The following SMYD3 variants were observed in gnomAD, a reference collection of about 807,000 sequenced individuals.
SMYD3 encodes the protein SET and MYND domain containing 3, also known as histone-lysine N-methyltransferase SMYD3.
SMYD3 carries 36 observed loss-of-function variants against 57.7 expected under a neutral mutation model. That is an observed-to-expected ratio of 0.62 (90% CI 0.48 to 0.82). The LOEUF (loss-of-function observed/expected upper bound fraction) is 0.82. SMYD3 is among the 40% of genes least tolerant of loss of function. The probability of loss-of-function intolerance (pLI) is 0.00; values close to 1 mark genes in which losing one functional copy is unlikely to be tolerated. For synonymous variants in SMYD3, 211 were observed against 195.0 expected, an observed-to-expected ratio of 1.08 and a Z score of -0.68; for missense variants, 515 against 538.8, an observed-to-expected ratio of 0.96 and a Z score of 0.44.
chr1:246,446,304 T>C (rs148646629), intron 1 of SMYD3, among the ~76,000 whole-genome samples: 24 of 152,234 alleles, frequency 1.6e-4, no homozygotes, highest in Middle Eastern at 3.4e-3. Flanking sequence ...CACAATGATA[T>C]ATCCATAAAA....
At chr1:246,398,529 G>C (rs2066713457) in intron 1 of SMYD3, among the ~76,000 whole-genome samples, 2 of 152,338 alleles carry the variant, frequency 1.3e-5, no homozygotes, top group South Asian at 2.1e-4. Context: ...ACCTCTACTT[G>C]GGAATAGCTT....
At chr1:246,037,411 T>A (rs896420600) in intron 5 of SMYD3, among the ~76,000 whole-genome samples, 1 of 152,214 alleles carries the variant, frequency 6.6e-6, no homozygotes, top group Non-Finnish European at 1.5e-5. Flanking sequence ...AGCTCACCCC[T>A]GAGGACAGCA....
intron 5 of SMYD3, among the ~76,000 whole-genome samples, chr1:246,272,173 G>GT (rs1418413858): frequency 1.3e-5 from 2 of 152,270 alleles, no homozygotes; most frequent in East Asian, 1.9e-4. Context: ...AGCATTGATA[G>GT]TTTTTTGTGG....
At chr1:245,857,100 A>C (rs1367696730) in intron 10 of SMYD3, among the ~76,000 whole-genome samples, 1 of 152,204 alleles carries the variant, frequency 6.6e-6, no homozygotes, top group Non-Finnish European at 1.5e-5. Flanking sequence ...CCCTCAAGCC[A>C]ATCCCTCATA....
At chr1:245,814,455 T>C (rs749582862) in intron 10 of SMYD3, 8 of 856,722 alleles carry the variant, frequency 9.3e-6, no homozygotes, top group Non-Finnish European at 1.1e-5. Flanking sequence ...AAATAAACAA[T>C]AAAAATAAAT....
In SMYD3 at chr1:246,507,264, G is replaced by A. The variant is rs1281500087; in HGVS notation, c.-47C>T. On this transcript the variant is annotated 5_prime_UTR_variant, in exon 1 of 12. Coordinates refer to ENST00000490107, the MANE Select transcript of SMYD3 (RefSeq NM_001167740.2). ...CAGACGGCTACCCGCGTCCAGCAGC[G>A]GGCGTCTCACGGGCTGCCGGGACCC... is the stretch of plus-strand genomic sequence containing the variant. The A allele has an allele frequency of 2.1e-6, 3 of 1,451,476 alleles. No individual in the cohort carries two copies. Among genetic ancestry groups the A allele is most frequent in the South Asian group, 1.4e-5 (1 of 72,284 alleles). The allele number at this position is 1,451,476 out of a possible 1,614,324, so 89.9% of individuals were successfully genotyped here.
At chr1:246,116,692 T>C (rs2061347572) in intron 5 of SMYD3, among the ~76,000 whole-genome samples, 1 of 152,204 alleles carries the variant, frequency 6.6e-6, no homozygotes, top group African/African-American at 2.4e-5. Context: ...ACAGCTTTCA[T>C]ACATAGCACA....
chr1:246,155,110 A>G (rs2062003730), intron 5 of SMYD3, among the ~76,000 whole-genome samples: 1 of 152,142 alleles, frequency 6.6e-6, no homozygotes, highest in African/African-American at 2.4e-5. Context: ...AACAAGAAAA[A>G]TGAATTTATG....
intron 11 of SMYD3, among the ~76,000 whole-genome samples, chr1:245,754,163 G>GT (rs200938119): frequency 6.6e-6 from 1 of 151,984 alleles, no homozygotes; most frequent in Non-Finnish European, 1.5e-5. Context: ...AATCTCATCT[G>GT]TTTTTTTAAG....
chr1:246,263,492 C>CT (rs1271749172), intron 5 of SMYD3, among the ~76,000 whole-genome samples: 6 of 152,162 alleles, frequency 3.9e-5, no homozygotes, highest in African/African-American at 1.2e-4. Flanking sequence ...TTTTTACTGT[C>CT]TAACCTTTAA....
At chr1:245,892,099 A>C (rs2053423216) in intron 8 of SMYD3, among the ~76,000 whole-genome samples, 1 of 152,120 alleles carries the variant, frequency 6.6e-6, no homozygotes, top group Admixed American at 6.5e-5. Flanking sequence ...GAACCAAACC[A>C]AACAAGAGGC....
intron 5 of SMYD3, among the ~76,000 whole-genome samples, chr1:246,259,875 G>T (rs188279334): frequency 5.9e-5 from 9 of 152,320 alleles, no homozygotes; most frequent in Middle Eastern, 3.4e-3. Flanking sequence ...TCTCTGCACA[G>T]GAATGGGAAA....
chr1:245,816,517 T>TTAA (rs1553332090), intron 10 of SMYD3, among the ~76,000 whole-genome samples: 8 of 100,228 alleles, frequency 8.0e-5, no homozygotes, highest in Middle Eastern at 6.9e-3. Context: ...TTCATCTATG[T>TTAA]AAAAAAAAAA....
chr1:245,775,688 A>G (rs886751704), intron 10 of SMYD3, among the ~76,000 whole-genome samples: 5 of 151,018 alleles, frequency 3.3e-5, no homozygotes, highest in Admixed American at 6.6e-5. Flanking sequence ...CCTCTCCGAG[A>G]AACACCCAAG....
intron 5 of SMYD3, among the ~76,000 whole-genome samples, chr1:246,104,795 T>G (rs758106642): frequency 1.2e-4 from 18 of 152,136 alleles, no homozygotes; most frequent in Non-Finnish European, 2.2e-4. Flanking sequence ...ATAGATACAG[T>G]TGAAACCACC....
intron 5 of SMYD3, among the ~76,000 whole-genome samples, chr1:245,988,965 G>C (rs897122475): frequency 1.3e-5 from 2 of 152,208 alleles, no homozygotes; most frequent in African/African-American, 2.4e-5. Flanking sequence ...ATATTTTTGA[G>C]ATCTGTGAAC....
rs534305833 is a variant in SMYD3 at position 245,761,786 on chromosome 1, C to CTTT, written c.1185+2252_1185+2254dup. Among the ~76,000 whole-genome samples, 550 of 115,712 alleles carry CTTT rather than the reference C, an allele frequency of 4.8e-3. 31 individuals carry two copies. Among genetic ancestry groups the CTTT allele is most frequent in the African/African-American group, 0.019 (514 of 26,896 alleles). The allele number at this position is 115,712 out of a possible 152,430, so 75.9% of individuals were successfully genotyped here. A position where few individuals can be genotyped will look rare whatever the true frequency, so the allele number is the denominator to read the frequency against. On this transcript the variant is annotated intron_variant, in intron 11 of 11. Transcript: ENST00000490107. The stretch of plus-strand genomic sequence containing the variant: ...TTAAATTGTACACACCATATTGAGT[C>CTTT]TTTTTTTTTTTTTTTTTTTGAGACA...
At chr1:245,913,470 C>T (rs1318173554) in intron 8 of SMYD3, among the ~76,000 whole-genome samples, 2 of 151,432 alleles carry the variant, frequency 1.3e-5, no homozygotes, top group Non-Finnish European at 2.9e-5. Context: ...ATGTAACAAA[C>T]CTGCACGTTG....
intron 5 of SMYD3, among the ~76,000 whole-genome samples, chr1:246,134,911 C>A (rs1247566820): frequency 6.7e-6 from 1 of 150,120 alleles, no homozygotes; most frequent in Non-Finnish European, 1.5e-5. Flanking sequence ...ATTACATCCC[C>A]AAGAAAATGT....
Sources: allele counts gnomAD v4.1 joint callset (sites outside exome capture counted in the v4.1 genomes callset), GRCh38; gene constraint gnomAD v4.1.1; transcripts MANE v1.5; gene names NCBI Gene and HGNC (gene_info 2026-07-23, HGNC 2026-07-21).